Variants in NPAS3 observed in about 807,000 individuals in gnomAD.
NPAS3 encodes the protein neuronal PAS domain protein 3, also known as neuronal PAS domain-containing protein 3.
Under a neutral mutation model 73.1 loss-of-function variants are expected in NPAS3, and 14 were observed. That is an observed-to-expected ratio of 0.19 (90% CI 0.13 to 0.30). NPAS3 has a LOEUF of 0.30. Among genes scored for constraint, NPAS3 ranks in the 10% least tolerant of loss-of-function variants. NPAS3 has a pLI of 1.00. For missense variants in NPAS3, 1,096 were observed against 1,250.0 expected (o/e 0.88, Z 1.86); for synonymous variants, 620 against 541.5 (o/e 1.14, Z -2.01).
intron 2 of NPAS3, among the ~76,000 whole-genome samples, chr14:33,091,322 C>G (rs1448758219): frequency 6.6e-6 from 1 of 152,084 alleles, no homozygotes; most frequent in Non-Finnish European, 1.5e-5. Flanking sequence ...CCACCGATCC[C>G]ACAGAAATAC....
At chr14:33,438,624 G>A (rs2049097117) in intron 4 of NPAS3, among the ~76,000 whole-genome samples, 1 of 152,132 alleles carries the variant, frequency 6.6e-6, no homozygotes, top group Non-Finnish European at 1.5e-5. Context: ...CTCAGCTGGG[G>A]TATTTTATTA....
chr14:33,467,715 A>G (rs149342588), intron 4 of NPAS3, among the ~76,000 whole-genome samples: 1 of 152,252 alleles, frequency 6.6e-6, no homozygotes, highest in East Asian at 1.9e-4. Context: ...AGCTAACCTA[A>G]GCAATGTGGA....
At chr14:33,260,462 C>A (rs535156948) in intron 3 of NPAS3, among the ~76,000 whole-genome samples, 1 of 151,982 alleles carries the variant, frequency 6.6e-6, no homozygotes, top group Non-Finnish European at 1.5e-5. Context: ...TCATCATGCA[C>A]CCGTACATTT....
In NPAS3 at chr14:33,670,348, A is replaced by G. The variant is rs1472950541; in HGVS notation, c.559-5863A>G. ...ACCTTTCTTCTTGTTCTACTAATTT[A>G]TACACGTATTTCTGTAACAGACCGA... On this transcript the variant is annotated intron_variant, in intron 5 of 11. Coordinates refer to ENST00000356141, the Ensembl canonical transcript of NPAS3. 2.0e-5 allele frequency among the ~76,000 whole-genome samples: 3 copies of G among 152,124 alleles called. No homozygotes were observed. In the South Asian group the frequency reaches 6.2e-4, roughly 31 times the overall value.
chr14:33,135,677 A>G (rs2043803735), intron 2 of NPAS3, among the ~76,000 whole-genome samples: 2 of 150,742 alleles, frequency 1.3e-5, no homozygotes, highest in South Asian at 4.2e-4. Flanking sequence ...AGTGGGGGTT[A>G]AAAAAAACAA....
At chr14:33,643,391 A>C (rs1464347572) in intron 5 of NPAS3, among the ~76,000 whole-genome samples, 2 of 146,892 alleles carry the variant, frequency 1.4e-5, no homozygotes, top group African/African-American at 2.5e-5. Context: ...AAAAAAAAAA[A>C]AAAAAAACGA....
intron 3 of NPAS3, among the ~76,000 whole-genome samples, chr14:33,250,073 CCTTTA>C (rs777857192): frequency 3.3e-5 from 5 of 152,046 alleles, no homozygotes; most frequent in Non-Finnish European, 5.9e-5. Flanking sequence ...ATAAGAAACT[CCTTTA>C]CTTTACAGGA....
At chr14:33,180,882 T>C (rs2045775180) in intron 2 of NPAS3, among the ~76,000 whole-genome samples, 1 of 147,488 alleles carries the variant, frequency 6.8e-6, no homozygotes, top group Non-Finnish European at 1.5e-5. Flanking sequence ...ACAGATTGAA[T>C]AGGGAGGTAT....
At chr14:33,100,463 C>T (rs912359677) in intron 2 of NPAS3, among the ~76,000 whole-genome samples, 9 of 152,096 alleles carry the variant, frequency 5.9e-5, no homozygotes, top group Admixed American at 3.3e-4. Context: ...GGATCTATTG[C>T]TTCATTCATA....
At chr14:33,743,353 G>A (rs1477140716) in intron 7 of NPAS3, among the ~76,000 whole-genome samples, 1 of 152,174 alleles carries the variant, frequency 6.6e-6, no homozygotes, top group African/African-American at 2.4e-5. Flanking sequence ...AGAGTTCTTG[G>A]ATGACTAGGT....
intron 6 of NPAS3, among the ~76,000 whole-genome samples, chr14:33,715,584 G>C (rs2140515193): frequency 6.6e-6 from 1 of 152,298 alleles, no homozygotes; most frequent in African/African-American, 2.4e-5. Context: ...CTATACGTCT[G>C]TGTTGGAATG....
intron 2 of NPAS3, among the ~76,000 whole-genome samples, chr14:33,075,700 G>A (rs537288823): frequency 2.0e-5 from 3 of 152,256 alleles, no homozygotes; most frequent in Admixed American, 6.5e-5. Flanking sequence ...ACTTAAAATT[G>A]TAATTTAACT....
rs1297120928 is a variant in NPAS3 at position 33,357,116 on chromosome 14, G to A, written c.386-10070G>A. Among the ~76,000 whole-genome samples, 9 of 152,292 alleles carry A rather than the reference G, an allele frequency of 5.9e-5. No homozygotes were observed. The South Asian group carries it at 1.7e-3, about 28-fold the overall frequency. On this transcript the variant is annotated intron_variant, in intron 3 of 11. Transcript: ENST00000356141. ...GACCTTGATCAGCTAACATAAGTAA[G>A]ACCTAGCTCCTGCATAGTTACCGTT...
intron 5 of NPAS3, among the ~76,000 whole-genome samples, chr14:33,615,117 C>A (rs2057872729): frequency 1.3e-5 from 2 of 152,186 alleles, no homozygotes; most frequent in African/African-American, 4.8e-5. Flanking sequence ...AAGGGCAGCA[C>A]TTAGGGCAAT....
intron 1 of NPAS3, among the ~76,000 whole-genome samples, chr14:33,005,772 T>G (rs2038980180): frequency 6.6e-6 from 1 of 152,220 alleles, no homozygotes; most frequent in South Asian, 2.1e-4. Context: ...TTTCCTCATT[T>G]TTTTAAATGT....
chr14:33,655,770 A>C (rs2059128172), intron 5 of NPAS3, among the ~76,000 whole-genome samples: 1 of 152,070 alleles, frequency 6.6e-6, no homozygotes, highest in Admixed American at 6.6e-5. Flanking sequence ...AGAGTACAAG[A>C]CTGCAAGAAC....
At chr14:33,458,577 G>C (rs1220335303) in intron 4 of NPAS3, among the ~76,000 whole-genome samples, 1 of 152,144 alleles carries the variant, frequency 6.6e-6, no homozygotes, top group Non-Finnish European at 1.5e-5. Flanking sequence ...CATAACATTA[G>C]CATGTTAATT....
At chr14:33,541,416 T>C (rs955412212) in intron 4 of NPAS3, among the ~76,000 whole-genome samples, 5 of 152,174 alleles carry the variant, frequency 3.3e-5, no homozygotes, top group Admixed American at 6.5e-5. Flanking sequence ...AGCTGTCATA[T>C]TGGCAAGAGC....
intron 7 of NPAS3, among the ~76,000 whole-genome samples, chr14:33,749,939 G>A (rs1042992751): frequency 1.3e-5 from 2 of 152,142 alleles, no homozygotes; most frequent in South Asian, 4.1e-4. Flanking sequence ...TGTGTCACAA[G>A]AGCCCAGGAA....
Sources: allele counts gnomAD v4.1 joint callset (sites outside exome capture counted in the v4.1 genomes callset), GRCh38; gene constraint gnomAD v4.1.1; transcripts MANE v1.5; gene names NCBI Gene and HGNC (gene_info 2026-07-23, HGNC 2026-07-21).